Variants in KIF21A observed in about 807,000 individuals in gnomAD.
KIF21A encodes the protein kinesin family member 21A, also known as kinesin-like protein KIF21A.
In KIF21A, 114 loss-of-function variants were observed where a neutral mutation model predicts 202.9. The observed-to-expected ratio is 0.56, with a 90% CI of 0.48 to 0.66. The LOEUF (loss-of-function observed/expected upper bound fraction) is 0.66, where lower values mean the gene tolerates loss of function less well. Among genes scored for constraint, KIF21A ranks in the 30% least tolerant of loss-of-function variants. KIF21A has a pLI of 0.00. For missense variants in KIF21A, 1,677 were observed against 1,994.9 expected, an observed-to-expected ratio of 0.84 and a Z score of 3.04; for synonymous variants, 667 against 670.8, an observed-to-expected ratio of 0.99 and a Z score of 0.09.
chr12:39,390,283 C>T (rs1201184340), intron 1 of KIF21A, among the ~76,000 whole-genome samples: 4 of 152,058 alleles, frequency 2.6e-5, no homozygotes, highest in Non-Finnish European at 4.4e-5. Context: ...TCAGATCATT[C>T]CCATTATATT....
At chr12:39,391,995 C>T (rs1483643000) in intron 1 of KIF21A, among the ~76,000 whole-genome samples, 1 of 152,102 alleles carries the variant, frequency 6.6e-6, no homozygotes, top group Non-Finnish European at 1.5e-5. Context: ...ACCTCAGCCT[C>T]CCAAAGTGCT....
chr12:39,297,050 A>G (rs894691449), intron 37 of KIF21A, among the ~76,000 whole-genome samples: 1 of 152,252 alleles, frequency 6.6e-6, no homozygotes, highest in Non-Finnish European at 1.5e-5. Context: ...GTTAGATTCT[A>G]GATATAATTT....
At chr12:39,381,306 C>CAAA (rs542073175) in intron 1 of KIF21A, among the ~76,000 whole-genome samples, 6 of 64,888 alleles carry the variant, frequency 9.2e-5, no homozygotes, top group Non-Finnish European at 1.3e-4. Context: ...GACTCTGTCT[C>CAAA]AAAAAAAAAA....
At chr12:39,441,785 A>G (rs1939678761) in intron 1 of KIF21A, among the ~76,000 whole-genome samples, 1 of 152,044 alleles carries the variant, frequency 6.6e-6, no homozygotes, top group Non-Finnish European at 1.5e-5. Context: ...TAGTAACTAT[A>G]GAAATGTTTA....
At chr12:39,436,449 T>TATATA (rs1491365902) in intron 1 of KIF21A, among the ~76,000 whole-genome samples, 27 of 86,840 alleles carry the variant, frequency 3.1e-4, no homozygotes, top group African/African-American at 6.3e-4. Flanking sequence ...TATATATATA[T>TATATA]TTTTTTTTTT....
At chr12:39,351,400 CTATT>C (rs1160104704) in intron 11 of KIF21A, among the ~76,000 whole-genome samples, 2 of 151,912 alleles carry the variant, frequency 1.3e-5, no homozygotes, top group Admixed American at 6.6e-5. Flanking sequence ...ATCCATGAGA[CTATT>C]TAATTGCATT....
In KIF21A at chr12:39,337,150, C is replaced by G; in HGVS notation, c.2364G>C (p.Glu788Asp). 6.2e-7 allele frequency: 1 copy of G among 1,612,724 alleles called. No homozygotes were observed. The highest frequency in any genetic ancestry group is 1.7e-4 in the Middle Eastern group (1 of 6,058). ...GAGCAATCTCTCTGTTTCTTCTAGA[C>G]TCAGTCAGTCTGGCTTTCTCTTGTT... ...KEEQEKARLT[E>D]SRRNREIAQL... The change falls in exon 17 of 38, where the codon GAG becomes GAC. Residue 788 changes from glutamate (E) to aspartate (D), a missense_variant. Physicochemically the swap from Glu to Asp is conservative, Grantham distance 45 (BLOSUM62 2). Coordinates refer to ENST00000361418, the MANE Select transcript of KIF21A (RefSeq NM_001173464.2).
intron 10 of KIF21A, 33 bp downstream of exon 10, chr12:39,356,799 T>A (rs748407497): frequency 2.9e-5 from 27 of 928,028 alleles, no homozygotes; most frequent in Non-Finnish European, 4.4e-5. Flanking sequence ...AAAACAAACA[T>A]GTGCATTATA....
intron 1 of KIF21A, among the ~76,000 whole-genome samples, chr12:39,416,602 C>CATATATAT (rs367999803): frequency 5.0e-5 from 5 of 100,772 alleles, no homozygotes; most frequent in Admixed American, 3.1e-4. Context: ...CTTAAATATA[C>CATATATAT]ATATATATAT....
At chr12:39,413,723 A>G (rs1416498300) in intron 1 of KIF21A, among the ~76,000 whole-genome samples, 3 of 152,170 alleles carry the variant, frequency 2.0e-5, no homozygotes, top group Non-Finnish European at 4.4e-5. Context: ...GCAGTACACT[A>G]TGATTGTGCC....
At chr12:39,309,848 A>C in intron 32 of KIF21A, 82 bp from the exon 33 acceptor site, 1 of 1,177,574 alleles carries the variant, frequency 8.5e-7, no homozygotes, top group Non-Finnish European at 1.2e-6. Context: ...TTATTTAAAT[A>C]ATTTCTCTTC....
intron 29 of KIF21A, among the ~76,000 whole-genome samples, chr12:39,317,043 G>T (rs1178860842): frequency 6.6e-6 from 1 of 151,998 alleles, no homozygotes; most frequent in Non-Finnish European, 1.5e-5. Flanking sequence ...ATTAATGACA[G>T]AAATAATTTG....
intron 1 of KIF21A, among the ~76,000 whole-genome samples, chr12:39,401,718 A>G (rs1952184995): frequency 6.6e-6 from 1 of 152,216 alleles, no homozygotes; most frequent in African/African-American, 2.4e-5. Context: ...GAAGTGTTTA[A>G]TGTTGTCACC....
intron 31 of KIF21A, 69 bp from the exon 32 acceptor site, chr12:39,311,622 TTTTG>T: frequency 1.3e-6 from 2 of 1,566,828 alleles, no homozygotes; most frequent in Non-Finnish European, 1.7e-6. Flanking sequence ...ATGAGACTAG[TTTTG>T]TTTTTTTCCC....
intron 26 of KIF21A, among the ~76,000 whole-genome samples, chr12:39,324,187 A>T (rs1194453088): frequency 2.0e-5 from 3 of 152,272 alleles, no homozygotes; most frequent in African/African-American, 7.2e-5. Context: ...GCACTTCAGA[A>T]AATGTTTTAA....
At chr12:39,332,566 C>T (rs946629434) in intron 20 of KIF21A, 25 bp downstream of exon 20, 4 of 1,589,648 alleles carry the variant, frequency 2.5e-6, no homozygotes, top group East Asian at 2.3e-5. Flanking sequence ...TAAGGGGGAG[C>T]GTATCTACTC....
chr12:39,403,300 CAA>C (rs1053258317), intron 1 of KIF21A, among the ~76,000 whole-genome samples: 2 of 152,108 alleles, frequency 1.3e-5, no homozygotes, highest in African/African-American at 4.8e-5. Flanking sequence ...GTTTGTAAGA[CAA>C]AGCATGTTTA....
intron 13 of KIF21A, 66 bp downstream of exon 13, chr12:39,341,959 GTTAGTAAGT>G: frequency 1.0e-6 from 1 of 969,344 alleles, no homozygotes; most frequent in Non-Finnish European, 1.7e-6. Flanking sequence ...CTACAAGTAA[GTTAGTAAGT>G]TATCATCAAC....
chr12:39,316,651 G>A (rs927996979), intron 29 of KIF21A, among the ~76,000 whole-genome samples: 1 of 152,136 alleles, frequency 6.6e-6, no homozygotes, highest in South Asian at 2.1e-4. Context: ...CAGGCTTGAG[G>A]AGAATGAGGA....
Sources: allele counts gnomAD v4.1 joint callset (sites outside exome capture counted in the v4.1 genomes callset), GRCh38; gene constraint gnomAD v4.1.1; transcripts MANE v1.5; gene names NCBI Gene and HGNC (gene_info 2026-07-23, HGNC 2026-07-21).